Variants in SYCP1 observed in about 807,000 individuals in gnomAD.
SYCP1 encodes the protein cancer/testis antigen 8.
A neutral mutation model predicts 153.1 loss-of-function variants in SYCP1; 64 were observed. The ratio of observed to expected loss-of-function variants is 0.42; its 90% CI spans 0.34 to 0.51. The LOEUF is 0.51. Among genes scored for constraint, SYCP1 ranks in the 20% least tolerant of loss-of-function variants. The pLI is 0.06. For missense variants in SYCP1, 997 were observed against 1,049.0 expected (o/e 0.95, Z 0.68); for synonymous variants, 384 against 341.8 (o/e 1.12, Z -1.36).
intron 8 of SYCP1, among the ~76,000 whole-genome samples, chr1:114,872,982 G>T (rs565348801): frequency 2.6e-5 from 4 of 152,132 alleles, no homozygotes; most frequent in Middle Eastern, 3.4e-3. Context: ...CAGTGGTTTT[G>T]ATATGTAGCA....
chr1:114,960,029 T>C (rs1185701999), intron 27 of SYCP1, among the ~76,000 whole-genome samples: 1 of 152,192 alleles, frequency 6.6e-6, no homozygotes, highest in African/African-American at 2.4e-5. Flanking sequence ...TTGGCTATTG[T>C]GAACAGTGTT....
At chr1:114,965,154 G>A (rs1011520100) in intron 27 of SYCP1, among the ~76,000 whole-genome samples, 1 of 151,618 alleles carries the variant, frequency 6.6e-6, no homozygotes, top group Non-Finnish European at 1.5e-5. Flanking sequence ...TCATGATTTG[G>A]CTGTTTGTCT....
chr1:114,984,085 A>T (rs961736495), intron 29 of SYCP1, among the ~76,000 whole-genome samples: 4 of 151,764 alleles, frequency 2.6e-5, no homozygotes, highest in Non-Finnish European at 5.9e-5. Context: ...AATTAAAAAA[A>T]ATTTTAGAGT....
At chr1:114,994,098 C>T (rs1172255455) in intron 30 of SYCP1, among the ~76,000 whole-genome samples, 2 of 150,974 alleles carry the variant, frequency 1.3e-5, no homozygotes, top group African/African-American at 4.9e-5. Flanking sequence ...ATGTATACAC[C>T]ACATTTTGCT....
At chr1:114,919,835 T>C (rs1260847904) in intron 20 of SYCP1, among the ~76,000 whole-genome samples, 1 of 152,010 alleles carries the variant, frequency 6.6e-6, no homozygotes, top group Non-Finnish European at 1.5e-5. Flanking sequence ...TCTGTGATAT[T>C]GGTTATAATG....
chr1:114,879,060 T>A (rs72694079), intron 12 of SYCP1, among the ~76,000 whole-genome samples: 1 of 152,170 alleles, frequency 6.6e-6, no homozygotes, highest in South Asian at 2.1e-4. Context: ...GTAAACTGAC[T>A]GGTGTGGCAA....
intron 27 of SYCP1, among the ~76,000 whole-genome samples, chr1:114,957,104 G>T (rs1671491890): frequency 6.7e-6 from 1 of 149,732 alleles, no homozygotes; most frequent in African/African-American, 2.5e-5. Context: ...TCTCTCTCTT[G>T]CCCAGGATGA....
chr1:114,973,329 G>A (rs1181227368), intron 27 of SYCP1, among the ~76,000 whole-genome samples: 1 of 151,932 alleles, frequency 6.6e-6, no homozygotes, highest in Non-Finnish European at 1.5e-5. Context: ...TTGTGGTTGT[G>A]CTTCCTTTCT....
At position 114,904,158 on chromosome 1, in the gene SYCP1, CCAGGCTGGAGTGCAGTGGTGCG is replaced by C. The variant is rs530937872; in HGVS notation, c.1321-6238_1321-6217del. Among the ~76,000 whole-genome samples, 153 of 150,938 alleles carry C rather than the reference CCAGGCTGGAGTGCAGTGGTGCG, an allele frequency of 1.0e-3. 2 individuals carry two copies. Among genetic ancestry groups the C allele is most frequent in the African/African-American group, 3.6e-3 (148 of 41,076 alleles). On this transcript the variant is annotated intron_variant, in intron 16 of 31. Coordinates refer to ENST00000369522, the MANE Select transcript of SYCP1 (RefSeq NM_003176.4). ...TTGAGACGGAGTCTTGCTCTGTTGC[CCAGGCTGGAGTGCAGTGGTGCG>C]ATCTTGGCTCACTGCAAGCTCCACC...
chr1:114,905,246 T>C (rs360655), intron 16 of SYCP1, among the ~76,000 whole-genome samples: 74,103 of 151,982 alleles, frequency 0.49, 19,313 homozygotes, highest in Non-Finnish European at 0.59. Context: ...GCAAACCTAT[T>C]CCAAAGTTCA....
At chr1:114,876,889 A>G in intron 11 of SYCP1, 79 bp downstream of exon 11, 4 of 716,222 alleles carry the variant, frequency 5.6e-6, no homozygotes, top group Non-Finnish European at 7.9e-6. Flanking sequence ...AGAAGTTTAT[A>G]TTTACTGAAA....
At chr1:114,947,545 G>A (rs189331065) in intron 27 of SYCP1, among the ~76,000 whole-genome samples, 2 of 152,098 alleles carry the variant, frequency 1.3e-5, no homozygotes, top group Admixed American at 1.3e-4. Flanking sequence ...ACACTTTTGT[G>A]GCTCATGTCT....
chr1:114,920,920 T>C (rs1446448032), intron 20 of SYCP1, among the ~76,000 whole-genome samples: 1 of 152,094 alleles, frequency 6.6e-6, no homozygotes, highest in African/African-American at 2.4e-5. Flanking sequence ...GGGTCTTGTT[T>C]TTCTATCCAT....
intron 12 of SYCP1, among the ~76,000 whole-genome samples, chr1:114,881,501 A>ATCCTTCCTTCCTTCCTTCCT (rs71093615): frequency 0.03 from 3,124 of 102,716 alleles, 95 homozygotes; most frequent in Non-Finnish European, 0.04. Flanking sequence ...GGAAGGTATT[A>ATCCTTCCTTCCTTCCTTCCT]TCCTTCCTTC....
chr1:114,876,205 G>A lies in SYCP1; in HGVS notation c.727+67G>A, dbSNP rs74438665. On this transcript the variant is annotated intron_variant, in intron 10 of 31. Transcript: ENST00000369522. ...GCTATTTATATTTTTATCAGATTCC[G>A]TTAATGTCTTCATCTCTTTAGCCTG... The A allele has an allele frequency of 1.1e-4, 119 of 1,086,940 alleles. No homozygotes were observed. The African/African-American group carries it at 1.6e-3, about 15-fold the overall frequency. The allele number at this position is 1,086,940 out of a possible 1,614,324, so 67.3% of individuals were successfully genotyped here.
At chr1:114,864,671 A>G (rs1427649974) in intron 8 of SYCP1, among the ~76,000 whole-genome samples, 1 of 151,720 alleles carries the variant, frequency 6.6e-6, no homozygotes, top group East Asian at 1.9e-4. Context: ...GTATTTTTTT[A>G]GAGACAGGGT....
chr1:114,943,872 A>G (rs973352844), intron 23 of SYCP1, among the ~76,000 whole-genome samples: 2 of 151,570 alleles, frequency 1.3e-5, no homozygotes, highest in African/African-American at 4.8e-5. Flanking sequence ...CCTCTTAATA[A>G]TTTCTATATT....
intron 15 of SYCP1, among the ~76,000 whole-genome samples, chr1:114,892,292 A>C (rs2101581441): frequency 6.6e-6 from 1 of 152,232 alleles, no homozygotes; most frequent in Admixed American, 6.5e-5. Flanking sequence ...GTGCTGCAGC[A>C]GTTGTGGTGA....
At chr1:114,941,512 C>T (rs1324607961) in intron 23 of SYCP1, among the ~76,000 whole-genome samples, 3 of 152,022 alleles carry the variant, frequency 2.0e-5, no homozygotes, top group Non-Finnish European at 2.9e-5. Flanking sequence ...TAATTTTATG[C>T]ACTCTGACAA....
Sources: allele counts gnomAD v4.1 joint callset (sites outside exome capture counted in the v4.1 genomes callset), GRCh38; gene constraint gnomAD v4.1.1; transcripts MANE v1.5; gene names NCBI Gene and HGNC (gene_info 2026-07-23, HGNC 2026-07-21).